PTPRZ1: variants seen among roughly 807,000 people sequenced by gnomAD.
The protein encoded by PTPRZ1 is protein tyrosine phosphatase receptor type Z1.
PTPRZ1 carries 82 observed loss-of-function variants against 214.1 expected under a neutral mutation model. That is an observed-to-expected ratio of 0.38 (90% CI 0.32 to 0.46). PTPRZ1 has a LOEUF of 0.46. Ranked by LOEUF, PTPRZ1 falls within the 20% of genes least tolerant of loss-of-function variation. The probability of loss-of-function intolerance (pLI) is 1.00; values close to 1 mark genes in which losing one functional copy is unlikely to be tolerated. For synonymous variants in PTPRZ1, 945 were observed against 987.9 expected (o/e 0.96, Z 0.81); for missense variants, 2,603 against 2,748.7 (o/e 0.95, Z 1.19).
At position 121,947,467 on chromosome 7, in the gene PTPRZ1, A is replaced by G. The variant is rs542364219; in HGVS notation, c.124+19246A>G. 3.9e-5 allele frequency among the ~76,000 whole-genome samples: 6 copies of G among 152,328 alleles called. No individual in the cohort carries two copies. The South Asian group carries it at 1.2e-3, about 32-fold the overall frequency. ...TCATAGAGCTCACAAATATGAGCCT[A>G]CCAAAGCAGAAATTAGATTATACTA... is the stretch of plus-strand genomic sequence containing the variant. On this transcript the variant is annotated intron_variant, in intron 2 of 29. Coordinates refer to ENST00000393386, the MANE Select transcript of PTPRZ1 (RefSeq NM_002851.3).
intron 23 of PTPRZ1, among the ~76,000 whole-genome samples, chr7:122,048,112 G>A (rs1230737040): frequency 1.3e-5 from 2 of 151,852 alleles, no homozygotes; most frequent in Admixed American, 6.6e-5. Flanking sequence ...TTTGATATTT[G>A]GGCATTAAAA....
chr7:121,901,121 A>T (rs937716700), intron 1 of PTPRZ1, among the ~76,000 whole-genome samples: 1 of 152,176 alleles, frequency 6.6e-6, no homozygotes, highest in African/African-American at 2.4e-5. Flanking sequence ...ATTTAACACC[A>T]TGAATGCCCT....
intron 1 of PTPRZ1, among the ~76,000 whole-genome samples, chr7:121,879,790 C>T (rs988076569): frequency 6.6e-5 from 10 of 151,242 alleles, no homozygotes; most frequent in African/African-American, 1.9e-4. Context: ...TCTTTCCCTC[C>T]TTCCTTCTAT....
chr7:121,988,449 T>G (rs1283327205), intron 8 of PTPRZ1, among the ~76,000 whole-genome samples: 3 of 152,182 alleles, frequency 2.0e-5, no homozygotes, highest in Non-Finnish European at 2.9e-5. Flanking sequence ...TACAAACCAC[T>G]GTCAAATAAT....
chr7:121,906,325 G>T lies in PTPRZ1; in HGVS notation c.59-21831G>T, dbSNP rs569615165. Among the ~76,000 whole-genome samples the T allele has an allele frequency of 1.8e-4, 27 of 152,190 alleles. 1 individual carries two copies. In the East Asian group the frequency reaches 4.1e-3, roughly 23 times the overall value. Reference sequence around the variant, plus strand: ...ATTTTAGATTTAAGGAGGCATGTGGGTGTGTATTGCTCACTCTCTGATATA... The same window carrying T: ...ATTTTAGATTTAAGGAGGCATGTGGTTGTGTATTGCTCACTCTCTGATATA... On this transcript the variant is annotated intron_variant, in intron 1 of 29. Transcript: ENST00000393386.
chr7:121,976,686 T>C, intron 5 of PTPRZ1, 99 bp from the exon 6 acceptor site: 1 of 950,762 alleles, frequency 1.1e-6, no homozygotes, highest in Non-Finnish European at 1.5e-6. Flanking sequence ...TATTTTTTAA[T>C]GCACATATTT....
intron 2 of PTPRZ1, among the ~76,000 whole-genome samples, chr7:121,951,961 TTA>T (rs1491495980): frequency 4.0e-4 from 20 of 50,288 alleles, no homozygotes; most frequent in African/African-American, 1.0e-3. Context: ...ATTTATTTAT[TTA>T]TTTTTTTTTT....
At chr7:122,049,976 G>C (rs533118880) in intron 23 of PTPRZ1, among the ~76,000 whole-genome samples, 5 of 152,128 alleles carry the variant, frequency 3.3e-5, no homozygotes, top group African/African-American at 1.2e-4. Context: ...TTAACATTAC[G>C]TATCAGTGAA....
intron 1 of PTPRZ1, among the ~76,000 whole-genome samples, chr7:121,905,180 A>G (rs1257878096): frequency 6.6e-6 from 1 of 152,164 alleles, no homozygotes; most frequent in Admixed American, 6.5e-5. Context: ...CTTGCCTTGG[A>G]ATCACTGCTA....
intron 1 of PTPRZ1, among the ~76,000 whole-genome samples, chr7:121,915,038 G>A (rs1469807222): frequency 2.0e-5 from 3 of 152,110 alleles, no homozygotes; most frequent in African/African-American, 4.8e-5. Context: ...GGGAGATGGG[G>A]GTAGTCTTTC....
chr7:122,015,970 A>G (rs1044564361), intron 12 of PTPRZ1, among the ~76,000 whole-genome samples: 2 of 152,112 alleles, frequency 1.3e-5, no homozygotes, highest in Non-Finnish European at 2.9e-5. Context: ...ATAATTGAAT[A>G]TATCCCTTTA....
intron 8 of PTPRZ1, among the ~76,000 whole-genome samples, chr7:121,995,900 T>C (rs954975430): frequency 4.6e-5 from 7 of 152,228 alleles, no homozygotes; most frequent in Non-Finnish European, 1.0e-4. Context: ...CTTGCAGATA[T>C]TCTTTGTTCA....
chr7:121,907,631 A>G (rs868139354), intron 1 of PTPRZ1, among the ~76,000 whole-genome samples: 16 of 152,098 alleles, frequency 1.1e-4, no homozygotes, highest in African/African-American at 3.8e-4. Context: ...ATTTATATTT[A>G]TACGTTAAAA....
Position 122,010,223 on chromosome 7 carries a change from G to A in PTPRZ1, c.1288-111G>A, listed in dbSNP as rs771860371. 90 of 1,031,516 alleles carry A rather than the reference G, an allele frequency of 8.7e-5. 1 individual carries two copies. Among genetic ancestry groups the A allele is most frequent in the Admixed American group, 2.7e-4 (10 of 36,960 alleles). The allele number at this position is 1,031,516 out of a possible 1,614,324, so 63.9% of individuals were successfully genotyped here. A position where few individuals can be genotyped will look rare whatever the true frequency, so the allele number is the denominator to read the frequency against. ...CATTGTACAGAATGGTGTTTTATGAGGATGAGAAGTTCCCAAGATACCACA... is the reference window on the plus strand; with the variant it reads ...CATTGTACAGAATGGTGTTTTATGAAGATGAGAAGTTCCCAAGATACCACA... On this transcript the variant is annotated intron_variant, in intron 11 of 29. Coordinates refer to ENST00000393386, the MANE Select transcript of PTPRZ1 (RefSeq NM_002851.3).
chr7:121,889,770 C>A (rs1428806669), intron 1 of PTPRZ1, among the ~76,000 whole-genome samples: 1 of 152,068 alleles, frequency 6.6e-6, no homozygotes, highest in Admixed American at 6.6e-5. Flanking sequence ...AAAAAAAATA[C>A]CTTATCAGTC....
chr7:121,888,929 A>C (rs1001079169), intron 1 of PTPRZ1, among the ~76,000 whole-genome samples: 9 of 152,162 alleles, frequency 5.9e-5, no homozygotes, highest in African/African-American at 2.2e-4. Flanking sequence ...AGAATTGGCA[A>C]ATAGCTATAA....
intron 2 of PTPRZ1, among the ~76,000 whole-genome samples, chr7:121,965,474 C>G (rs1358525257): frequency 1.3e-5 from 2 of 152,140 alleles, no homozygotes; most frequent in Admixed American, 1.3e-4. Context: ...CTTAGCCACA[C>G]GCCAGCTCAC....
intron 13 of PTPRZ1, among the ~76,000 whole-genome samples, chr7:122,022,143 C>G (rs1385245107): frequency 2.0e-5 from 3 of 152,084 alleles, no homozygotes; most frequent in Non-Finnish European, 2.9e-5. Flanking sequence ...AAGAATTTTT[C>G]CAAGTTTATA....
At chr7:121,965,587 A>G (rs1797025633) in intron 2 of PTPRZ1, among the ~76,000 whole-genome samples, 1 of 152,138 alleles carries the variant, frequency 6.6e-6, no homozygotes, top group African/African-American at 2.4e-5. Context: ...AATGTAATCA[A>G]TCACAGCAGT....
Sources: allele counts gnomAD v4.1 joint callset (sites outside exome capture counted in the v4.1 genomes callset), GRCh38; gene constraint gnomAD v4.1.1; transcripts MANE v1.5; gene names NCBI Gene and HGNC (gene_info 2026-07-23, HGNC 2026-07-21).